Variants in COL23A1 observed in about 807,000 individuals in gnomAD.
COL23A1 encodes collagen type XXIII alpha 1 chain, also known as collagen alpha-1(XXIII) chain.
COL23A1 carries 97 observed loss-of-function variants against 99.3 expected under a neutral mutation model. The observed-to-expected ratio is 0.98, with a 90% CI of 0.83 to 1.16. The LOEUF is 1.16. Ranked by LOEUF, COL23A1 falls within the 50% of genes most tolerant of loss-of-function variation. The pLI is 0.00. For synonymous variants in COL23A1, 320 were observed against 308.2 expected, an observed-to-expected ratio of 1.04 and a Z score of -0.40; for missense variants, 762 against 757.4, an observed-to-expected ratio of 1.01 and a Z score of -0.07.
chr5:178,478,647 A>G (rs1490607751), intron 2 of COL23A1, among the ~76,000 whole-genome samples: 1 of 152,202 alleles, frequency 6.6e-6, no homozygotes, highest in Non-Finnish European at 1.5e-5. Context: ...GTGTCCACAG[A>G]GAGAGTGTCT....
At chr5:178,364,939 C>T (rs1368677085) in intron 2 of COL23A1, among the ~76,000 whole-genome samples, 1 of 152,220 alleles carries the variant, frequency 6.6e-6, no homozygotes, top group Non-Finnish European at 1.5e-5. Flanking sequence ...GCTGAACTGG[C>T]TTGGAAGCCT....
At chr5:178,536,269 A>G (rs646225) in intron 2 of COL23A1, among the ~76,000 whole-genome samples, 76,749 of 152,192 alleles carry the variant, frequency 0.5, 19,791 homozygotes, top group Non-Finnish European at 0.57. Flanking sequence ...CTCACGGGAG[A>G]ACCACGAAGA....
chr5:178,477,676 C>T (rs539710829), intron 2 of COL23A1, among the ~76,000 whole-genome samples: 7 of 152,270 alleles, frequency 4.6e-5, no homozygotes, highest in African/African-American at 1.7e-4. Context: ...AGCCTGAACC[C>T]TCTGCGAGTG....
chr5:178,378,213 C>T (rs1469551083), intron 2 of COL23A1: 2 of 152,126 alleles, frequency 1.3e-5, no homozygotes, highest in Admixed American at 1.3e-4. Flanking sequence ...TAGTGAGACC[C>T]CATCTTTTAA....
rs920881166 is a variant in COL23A1, at chr5:178,580,055, T to C, written c.294+9849A>G. On this transcript the variant is annotated intron_variant, in intron 1 of 28. Transcript: ENST00000390654. Reference sequence around the variant, plus strand: ...AAACTAGAGGACATGAGGCCGGGCATGGTGGCTCACACCTGTAATCCCAGC... The same window carrying C: ...AAACTAGAGGACATGAGGCCGGGCACGGTGGCTCACACCTGTAATCCCAGC... Among the ~76,000 whole-genome samples, 4 of 152,004 alleles carry C rather than the reference T, an allele frequency of 2.6e-5. No homozygotes were observed. In the South Asian group the frequency reaches 6.2e-4, roughly 24 times the overall value.
In COL23A1 at chr5:178,415,531, C is replaced by A. The variant is rs1765257175; in HGVS notation, c.362-108612G>T. ...CACGAACACTTCTACTGTCTCCTGA[C>A]CTCTCCACAGCCAGAGGACACGAGG... On this transcript the variant is annotated intron_variant, in intron 2 of 28. Coordinates refer to ENST00000390654, the MANE Select transcript of COL23A1 (RefSeq NM_173465.4). This position sits in a 1 kb window ranked among gnomAD's most constrained non-coding sequence, Gnocchi z 4.6. 6.6e-6 allele frequency among the ~76,000 whole-genome samples: 1 copy of A among 152,164 alleles called. No homozygotes were observed. The highest frequency in any genetic ancestry group is 2.1e-4 in the South Asian group (1 of 4,830).
chr5:178,363,133 A>C (rs1471780125), intron 2 of COL23A1, among the ~76,000 whole-genome samples: 1 of 151,924 alleles, frequency 6.6e-6, no homozygotes, highest in Non-Finnish European at 1.5e-5. Context: ...GACAAGCAAC[A>C]GTGTCCTAAC....
At position 178,313,985 on chromosome 5, in the gene COL23A1, C is replaced by T. The variant is rs1288029152; in HGVS notation, c.362-7066G>A. Among the ~76,000 whole-genome samples, 1 of 152,134 alleles carries T rather than the reference C, an allele frequency of 6.6e-6. No individual in the cohort carries two copies. The highest frequency in any genetic ancestry group is 2.4e-5 in the African/African-American group (1 of 41,420). On this transcript the variant is annotated intron_variant, in intron 2 of 28. Coordinates refer to ENST00000390654, the MANE Select transcript of COL23A1 (RefSeq NM_173465.4). This position sits in a 1 kb window ranked among gnomAD's most constrained non-coding sequence, Gnocchi z 4.2. ...GCCCAACAAGGGAGCATTCTCTCTGCACATTCCCAGCTTGGCCTCACAAAG... is the reference window on the plus strand; with the variant it reads ...GCCCAACAAGGGAGCATTCTCTCTGTACATTCCCAGCTTGGCCTCACAAAG...
At chr5:178,259,626 T>G in intron 12 of COL23A1, 95 bp downstream of exon 12, 11 of 1,073,894 alleles carry the variant, frequency 1.0e-5, no homozygotes, top group Non-Finnish European at 6.7e-6. Flanking sequence ...GCCCATCCCG[T>G]CCCCATCCCC....
intron 2 of COL23A1, among the ~76,000 whole-genome samples, chr5:178,559,597 A>AC (rs1762453952): frequency 1.6e-5 from 2 of 125,496 alleles, no homozygotes; most frequent in African/African-American, 3.6e-5. Flanking sequence ...CTTTCCCTGC[A>AC]GGTCGAGAAG....
intron 2 of COL23A1, among the ~76,000 whole-genome samples, chr5:178,337,733 AC>A (rs1554140806): frequency 2.7e-5 from 4 of 148,222 alleles, no homozygotes; most frequent in Non-Finnish European, 5.9e-5. Flanking sequence ...CTCCACAGAC[AC>A]CCCCCATCTT....
intron 5 of COL23A1, among the ~76,000 whole-genome samples, chr5:178,270,564 A>T (rs1443454369): frequency 1.3e-5 from 2 of 152,120 alleles, no homozygotes; most frequent in Non-Finnish European, 2.9e-5. Flanking sequence ...CTCCTCTGAC[A>T]AGAGAGCCCA....
intron 2 of COL23A1, among the ~76,000 whole-genome samples, chr5:178,453,869 T>A (rs1185859198): frequency 1.3e-5 from 2 of 152,244 alleles, no homozygotes; most frequent in African/African-American, 2.4e-5. Flanking sequence ...ATGCCATGCC[T>A]GTGCCAGACC....
chr5:178,350,698 C>A (rs1047777786), intron 2 of COL23A1, among the ~76,000 whole-genome samples: 3 of 152,174 alleles, frequency 2.0e-5, no homozygotes, highest in Admixed American at 2.0e-4. Context: ...TGGGACCAGG[C>A]TGCCCGAGAC....
At chr5:178,249,683 AACAC>A (rs746295532) in intron 18 of COL23A1, among the ~76,000 whole-genome samples, 42 of 118,380 alleles carry the variant, frequency 3.5e-4, no homozygotes, top group East Asian at 1.7e-3. Flanking sequence ...TGTATAGGAT[AACAC>A]ACACACACAC....
chr5:178,560,922 T>A (rs1464745948), intron 1 of COL23A1, among the ~76,000 whole-genome samples, 174 bp from the exon 2 acceptor site: 1 of 152,122 alleles, frequency 6.6e-6, no homozygotes, highest in South Asian at 2.1e-4. Flanking sequence ...AATTTTAGAA[T>A]GAGGAAAAAC....
intron 2 of COL23A1, among the ~76,000 whole-genome samples, chr5:178,411,035 T>C (rs1039541441): frequency 5.3e-5 from 8 of 152,120 alleles, no homozygotes; most frequent in Non-Finnish European, 1.0e-4. Context: ...AACAAGGATA[T>C]GAAAAGATGC....
chr5:178,557,911 T>G lies in COL23A1; in HGVS notation c.361+2771A>C, dbSNP rs540499285. On this transcript the variant is annotated intron_variant, in intron 2 of 28. Coordinates refer to ENST00000390654, the MANE Select transcript of COL23A1 (RefSeq NM_173465.4). Reference sequence around the variant, plus strand: ...GGTGACAGGAGAGAAAGTGCAGGCATGGACAGGGGTGTGCTGAGGGGTCTG... The same window carrying G: ...GGTGACAGGAGAGAAAGTGCAGGCAGGGACAGGGGTGTGCTGAGGGGTCTG... Among the ~76,000 whole-genome samples, 67 of 152,060 alleles carry G rather than the reference T, an allele frequency of 4.4e-4. 1 individual carries two copies. The highest frequency in any genetic ancestry group is 6.2e-4 in the South Asian group (3 of 4,808).
chr5:178,526,725 C>A (rs1312921166), intron 2 of COL23A1, among the ~76,000 whole-genome samples: 1 of 152,124 alleles, frequency 6.6e-6, no homozygotes, highest in East Asian at 1.9e-4. Flanking sequence ...AGGCAAGCCA[C>A]AAAGGACCTG....
Sources: allele counts gnomAD v4.1 joint callset (sites outside exome capture counted in the v4.1 genomes callset), GRCh38; gene constraint gnomAD v4.1.1; non-coding constraint Gnocchi (gnomAD v3.1); transcripts MANE v1.5; gene names NCBI Gene and HGNC (gene_info 2026-07-23, HGNC 2026-07-21).